GABRA2: variants seen among roughly 807,000 people sequenced by gnomAD.
GABRA2 encodes the protein gamma-aminobutyric acid receptor subunit alpha-2.
In GABRA2, 16 loss-of-function variants were observed where a neutral mutation model predicts 48.7. The ratio of observed to expected loss-of-function variants is 0.33; its 90% confidence interval spans 0.22 to 0.50. The LOEUF (loss-of-function observed/expected upper bound fraction) is 0.50, where lower values mean the gene tolerates loss of function less well. Ranked by LOEUF, GABRA2 falls within the 20% of genes least tolerant of loss-of-function variation. GABRA2 has a pLI of 0.98. For synonymous variants in GABRA2, 185 were observed against 184.5 expected, an observed-to-expected ratio of 1.00 and a Z score of -0.02; for missense variants, 275 against 535.6, an observed-to-expected ratio of 0.51 and a Z score of 4.80.
intron 3 of GABRA2, among the ~76,000 whole-genome samples, chr4:46,380,383 C>T (rs1716598440): frequency 6.6e-6 from 1 of 152,032 alleles, no homozygotes; most frequent in Non-Finnish European, 1.5e-5. Context: ...TCCTGTATGC[C>T]CCAAGTTTAT....
chr4:46,273,506 T>TTC (rs1483580652), intron 8 of GABRA2, among the ~76,000 whole-genome samples: 1 of 28,266 alleles, frequency 3.5e-5, no homozygotes, highest in African/African-American at 1.5e-4. Context: ...TATATGCATA[T>TTC]ATATATATAT....
chr4:46,362,561 A>C (rs2109964363), intron 3 of GABRA2, among the ~76,000 whole-genome samples: 1 of 152,364 alleles, frequency 6.6e-6, no homozygotes, highest in East Asian at 1.9e-4. Flanking sequence ...ACACTGTTTT[A>C]TTTGGAGAGG....
chr4:46,286,567 A>G (rs1192236144), intron 8 of GABRA2, among the ~76,000 whole-genome samples: 1 of 152,122 alleles, frequency 6.6e-6, no homozygotes, highest in Admixed American at 6.5e-5. Context: ...ATCACCAGCA[A>G]TATACAAGGA....
At chr4:46,339,846 T>C (rs977796249) in intron 3 of GABRA2, among the ~76,000 whole-genome samples, 1 of 151,884 alleles carries the variant, frequency 6.6e-6, no homozygotes, top group Non-Finnish European at 1.5e-5. Context: ...GTCAAGGACT[T>C]CTGAATTTCT....
At chr4:46,355,548 G>A (rs1735823901) in intron 3 of GABRA2, among the ~76,000 whole-genome samples, 1 of 152,024 alleles carries the variant, frequency 6.6e-6, no homozygotes. Context: ...TTATTATTAA[G>A]TCAAAGAAAA....
chr4:46,293,674 G>A (rs1162202133), intron 8 of GABRA2, among the ~76,000 whole-genome samples: 1 of 152,132 alleles, frequency 6.6e-6, no homozygotes, highest in Admixed American at 6.5e-5. Flanking sequence ...TGACTGGTAG[G>A]GTGAACACTA....
At chr4:46,304,457 G>A (rs1322843650) in intron 7 of GABRA2, among the ~76,000 whole-genome samples, 3 of 151,290 alleles carry the variant, frequency 2.0e-5, no homozygotes, top group Admixed American at 1.3e-4. Context: ...ACACAGCTGG[G>A]TTTTTTTGTT....
chr4:46,383,544 T>C (rs1472217395), intron 3 of GABRA2, among the ~76,000 whole-genome samples: 1 of 152,186 alleles, frequency 6.6e-6, no homozygotes, highest in Non-Finnish European at 1.5e-5. Flanking sequence ...ATACAATATC[T>C]TGACTCAATG....
chr4:46,261,208 A>T (rs1277021843), intron 9 of GABRA2: 1 of 152,134 alleles, frequency 6.6e-6, no homozygotes, highest in African/African-American at 2.4e-5. Context: ...TTGAAACCTA[A>T]ATATGGACAG....
chr4:46,345,555 C>T (rs2109876033), intron 3 of GABRA2, among the ~76,000 whole-genome samples: 1 of 151,916 alleles, frequency 6.6e-6, no homozygotes, highest in Middle Eastern at 3.4e-3. Context: ...GTAGAGACAA[C>T]CCTAAGGCAT....
intron 4 of GABRA2, among the ~76,000 whole-genome samples, chr4:46,328,706 G>A (rs1730822036): frequency 6.6e-6 from 1 of 151,958 alleles, no homozygotes; most frequent in South Asian, 2.1e-4. Context: ...GTATACATGT[G>A]CCATGCTGGT....
chr4:46,253,323 C>A (rs1281636366), intron 9 of GABRA2, among the ~76,000 whole-genome samples: 1 of 151,324 alleles, frequency 6.6e-6, no homozygotes, highest in East Asian at 2.0e-4. Context: ...AGCAGAGGGA[C>A]TAACCAATCT....
intron 4 of GABRA2, among the ~76,000 whole-genome samples, chr4:46,326,821 C>T (rs1730467273): frequency 6.6e-6 from 1 of 151,936 alleles, no homozygotes; most frequent in African/African-American, 2.4e-5. Context: ...AAGTCTCAAA[C>T]TCAACATGTG....
chr4:46,313,112 G>A (rs2109695516), intron 4 of GABRA2, among the ~76,000 whole-genome samples: 1 of 120,984 alleles, frequency 8.3e-6, no homozygotes, highest in East Asian at 2.3e-4. Context: ...AGCTTTCCCA[G>A]TAGCAAATAA....
chr4:46,385,605 A>G lies in GABRA2; in HGVS notation c.187+469T>C, dbSNP rs1168727254. On this transcript the variant is annotated intron_variant, in intron 3 of 9. Transcript: ENST00000381620. ...CTAGAAATATCACATGCAAGTGTAAAGAAGTATCATCATAGAATGCTAAAA... is the reference window on the plus strand; with the variant it reads ...CTAGAAATATCACATGCAAGTGTAAGGAAGTATCATCATAGAATGCTAAAA... Among the ~76,000 whole-genome samples the G allele has an allele frequency of 8.5e-5, 13 of 152,268 alleles. 1 individual carries two copies. In the East Asian group the frequency reaches 2.5e-3, roughly 29 times the overall value.
chr4:46,272,651 A>G (rs1166040493), intron 8 of GABRA2, among the ~76,000 whole-genome samples: 1 of 151,986 alleles, frequency 6.6e-6, no homozygotes, highest in Non-Finnish European at 1.5e-5. Context: ...GTAGGGGCAA[A>G]GTTAACGGGG....
intron 2 of GABRA2, among the ~76,000 whole-genome samples, chr4:46,387,626 A>C (rs1413539582): frequency 6.6e-6 from 1 of 152,138 alleles, no homozygotes; most frequent in Non-Finnish European, 1.5e-5. Flanking sequence ...AGTGTTTCTT[A>C]ATCACATTTT....
chr4:46,321,107 G>T (rs903025772), intron 4 of GABRA2, among the ~76,000 whole-genome samples: 9 of 151,926 alleles, frequency 5.9e-5, no homozygotes, highest in African/African-American at 1.7e-4. Context: ...ATTATACTAA[G>T]TAAGATAAGT....
At chr4:46,388,541 C>A (rs941404791) in intron 2 of GABRA2, 95 bp downstream of exon 2, 5 of 1,463,756 alleles carry the variant, frequency 3.4e-6, no homozygotes, top group East Asian at 4.6e-5. Flanking sequence ...AGAAATAATT[C>A]TTTAAAACAC....
Sources: gnomAD v4.1 joint callset for allele counts (sites outside exome capture counted in the v4.1 genomes callset) on GRCh38, gnomAD v4.1.1 for gene constraint, MANE v1.5 for transcripts, NCBI Gene and HGNC (gene_info 2026-07-23, HGNC 2026-07-21) for gene names.